TLE3: variants seen among roughly 807,000 people sequenced by gnomAD.
TLE3 encodes TLE family member 3, transcriptional corepressor.
A neutral mutation model predicts 93.0 loss-of-function variants in TLE3; 14 were observed. The ratio of observed to expected loss-of-function variants is 0.15; its 90% CI spans 0.10 to 0.24. The LOEUF is 0.24. TLE3 is among the 10% of genes least tolerant of loss of function. TLE3 has a pLI of 1.00. For synonymous variants in TLE3, 451 were observed against 425.0 expected (o/e 1.06, Z -0.75); for missense variants, 693 against 1,046.6 (o/e 0.66, Z 4.66).
Position 70,066,171 on chromosome 15 carries a change from G to C in TLE3, c.420C>G (p.Pro140=). The change falls in exon 7 of 20, where the codon CCC becomes CCG. Residue 140 remains proline, a synonymous_variant. Transcript: ENST00000451782. The part of the protein sequence containing the change: ...AQHLSHATHG[P]PVQLPPHPSG... ...ACGGGTGGGGTGGCAACTGGACCGG[G>C]GGGCCGTGTGTGGCATGGGAGAGGT... 1 of 1,545,020 alleles carries C rather than the reference G, an allele frequency of 6.5e-7. No homozygotes were observed. Among genetic ancestry groups the C allele is most frequent in the South Asian group, 1.3e-5 (1 of 79,622 alleles).
At position 70,053,282 on chromosome 15, in the gene TLE3, C is replaced by A; in HGVS notation, c.1919G>T (p.Arg640Leu). The A allele has an allele frequency of 6.2e-7, 1 of 1,609,040 alleles. No homozygotes were observed. The highest frequency in any genetic ancestry group is 8.5e-7 in the Non-Finnish European group (1 of 1,177,678). ...TCGGCCCTCCCGCAGGTCCCAGGAG[C>A]GCACCGTGTTGTCCAGGCCCCCTGT... ...LWTGGLDNTV[R>L]SWDLREGRQL... Residue 640 changes from arginine to leucine, a missense_variant, in exon 17 of 20, where the codon CGC (arginine) becomes CTC (leucine). Transcript: ENST00000451782.
chr15:70,091,618 G>A (rs775036457), intron 4 of TLE3, among the ~76,000 whole-genome samples: 1 of 152,220 alleles, frequency 6.6e-6, no homozygotes, highest in Non-Finnish European at 1.5e-5. Context: ...AGAGCAGGAG[G>A]AGAAACCATT....
intron 4 of TLE3, among the ~76,000 whole-genome samples, chr15:70,093,858 C>T (rs770837678): frequency 1.3e-5 from 2 of 152,208 alleles, no homozygotes; most frequent in Non-Finnish European, 2.9e-5. Flanking sequence ...AACCCCCAGC[C>T]ATCTCGAAAG....
Position 70,097,663 on chromosome 15 carries a change from G to C in TLE3, c.-865C>G. On this transcript the variant is annotated 5_prime_UTR_variant, in exon 1 of 20. Coordinates refer to ENST00000451782, the MANE Select transcript of TLE3 (RefSeq NM_001105192.3). ...GCTGCCGCGTCGGAGCGCACAGGCA[G>C]GAGAGCGCTGGAGGGGAGACGCAGC... 2.5e-6 allele frequency: 1 copy of C among 398,002 alleles called. No individual in the cohort carries two copies. Among genetic ancestry groups the C allele is most frequent in the Non-Finnish European group, 4.4e-6 (1 of 225,524 alleles). The allele number at this position is 398,002 out of a possible 1,614,324, so 24.7% of individuals were successfully genotyped here.
intron 8 of TLE3, among the ~76,000 whole-genome samples, chr15:70,062,126 A>G (rs1453462981): frequency 6.6e-6 from 1 of 152,234 alleles, no homozygotes; most frequent in Non-Finnish European, 1.5e-5. Context: ...TTTCTGCCCG[A>G]AGCAAATTAA....
intron 4 of TLE3, among the ~76,000 whole-genome samples, chr15:70,076,757 G>C (rs532548616): frequency 6.6e-6 from 1 of 151,806 alleles, no homozygotes; most frequent in Non-Finnish European, 1.5e-5. Context: ...GGGTCTCACT[G>C]TCACCCAGGC....
chr15:70,068,764 G>A (rs776150533), intron 6 of TLE3, among the ~76,000 whole-genome samples: 3 of 152,202 alleles, frequency 2.0e-5, no homozygotes, highest in Non-Finnish European at 4.4e-5. Flanking sequence ...ATCTTACCAG[G>A]AAAGGTCTCT....
chr15:70,096,238 C>T lies in TLE3; in HGVS notation c.48G>A (p.Pro16=), dbSNP rs767112435. 162 of 1,555,438 alleles carry T rather than the reference C, an allele frequency of 1.0e-4. No homozygotes were observed. The highest frequency in any genetic ancestry group is 3.9e-5 in the Admixed American group (2 of 51,650). ...RHPAPHQPGQ[P]GFKFTVAESC... is the part of the protein sequence containing the mutation. Reference sequence around the variant, plus strand: ...ACTCAGCCACCGTGAATTTAAATCCCGGCTGCCCGGGTTGATGGGGAGCCT... The same window carrying T: ...ACTCAGCCACCGTGAATTTAAATCCTGGCTGCCCGGGTTGATGGGGAGCCT... Residue 16 remains proline (P), a synonymous_variant, in exon 2 of 20, where the codon CCG becomes CCA. Coordinates refer to ENST00000451782, the MANE Select transcript of TLE3 (RefSeq NM_001105192.3).
chr15:70,055,563 G>GATA, intron 14 of TLE3: 1 of 399,250 alleles, frequency 2.5e-6, no homozygotes, highest in Non-Finnish European at 4.4e-6. Context: ...GTCCTGGAAT[G>GATA]CCCTTTCCCA....
intron 7 of TLE3, among the ~76,000 whole-genome samples, chr15:70,065,569 T>A (rs1219314411): frequency 6.6e-6 from 1 of 152,228 alleles, no homozygotes; most frequent in Non-Finnish European, 1.5e-5. Context: ...AGGGAACTAA[T>A]GATCGTGGTG....
At chr15:70,096,566 T>A in intron 1 of TLE3, 1 of 1,486,266 alleles carries the variant, frequency 6.7e-7, no homozygotes, top group Non-Finnish European at 9.1e-7. Flanking sequence ...CAGCTCCCCC[T>A]GGAACACAAG....
rs1367284969 is a variant in TLE3, at chr15:70,097,759, C to T, written c.-961G>A. The T allele has an allele frequency of 7.6e-6, 3 of 394,300 alleles. No individual in the cohort carries two copies. The highest frequency in any genetic ancestry group is 3.6e-5 in the East Asian group (1 of 27,868). 24.4% of individuals were successfully genotyped at this position (394,300 alleles called of 1,614,324 possible). On this transcript the variant is annotated 5_prime_UTR_variant, in exon 1 of 20. Transcript: ENST00000451782. ...GCTCTCCTCTCCGCGCCCCGGCAAA[C>T]CCCCAAAACACACACACCCAACACA... is the stretch of plus-strand genomic sequence containing the variant.
chr15:70,061,470 G>A (rs1409261742), intron 8 of TLE3, among the ~76,000 whole-genome samples: 1 of 152,140 alleles, frequency 6.6e-6, no homozygotes. Context: ...ATGAGGATGA[G>A]AAGCCTTTGG....
At chr15:70,079,031 G>A (rs2057604256) in intron 4 of TLE3, among the ~76,000 whole-genome samples, 1 of 152,072 alleles carries the variant, frequency 6.6e-6, no homozygotes, top group African/African-American at 2.4e-5. Context: ...CATAGGGCTG[G>A]TCTGGAGCCC....
At chr15:70,089,265 A>T (rs562303287) in intron 4 of TLE3, among the ~76,000 whole-genome samples, 1 of 152,166 alleles carries the variant, frequency 6.6e-6, no homozygotes, top group East Asian at 1.9e-4. Context: ...TCCTCCTATG[A>T]CACTTGGGCC....
intron 2 of TLE3, 46 bp from the exon 3 acceptor site, chr15:70,095,687 C>T: frequency 6.5e-7 from 1 of 1,548,362 alleles, no homozygotes; most frequent in South Asian, 1.2e-5. Context: ...CCTGGACAGC[C>T]TCCTCTGAGG....
At position 70,058,953 on chromosome 15, in the gene TLE3, G is replaced by A. The variant is rs2056283801; in HGVS notation, c.766-138C>T. 1.5e-5 allele frequency: 17 copies of A among 1,102,000 alleles called. No individual in the cohort carries two copies. The South Asian group carries it at 2.9e-4, about 19-fold the overall frequency. The allele number at this position is 1,102,000 out of a possible 1,614,324, so 68.3% of individuals were successfully genotyped here. The stretch of plus-strand genomic sequence containing the variant: ...TGAAAGACTGGGGGCCCCACAGTGA[G>A]GAAAAACTAGCTCTTAACCATCTGG... On this transcript the variant is annotated intron_variant, in intron 10 of 19. Transcript: ENST00000451782. The surrounding 1 kb of genome is among the most constrained non-coding windows in gnomAD (Gnocchi z 4.1).
chr15:70,091,277 A>T (rs912984759), intron 4 of TLE3, among the ~76,000 whole-genome samples: 17 of 152,248 alleles, frequency 1.1e-4, no homozygotes, highest in Admixed American at 6.5e-5. Context: ...ACTTTCAAAA[A>T]TGTCAGTGCT....
intron 4 of TLE3, chr15:70,079,533 G>A (rs955128649): frequency 2.4e-6 from 1 of 412,728 alleles, no homozygotes; most frequent in African/African-American, 2.2e-5. Context: ...GTACCCTCTT[G>A]GGGTCTCCCC....
Sources: gnomAD v4.1 joint callset for allele counts (sites outside exome capture counted in the v4.1 genomes callset) on GRCh38, gnomAD v4.1.1 for gene constraint, Gnocchi (gnomAD v3.1) non-coding constraint, MANE v1.5 for transcripts, NCBI Gene and HGNC (gene_info 2026-07-23, HGNC 2026-07-21) for gene names.